MMP26: variants seen among roughly 807,000 people sequenced by gnomAD.
MMP26 encodes matrix metallopeptidase 26.
MMP26 carries 33 observed loss-of-function variants against 31.0 expected under a neutral mutation model. The ratio of observed to expected loss-of-function variants is 1.06; its 90% CI spans 0.81 to 1.42. The LOEUF (loss-of-function observed/expected upper bound fraction) is 1.42, where lower values mean the gene tolerates loss of function less well. MMP26 is among the 40% of genes most tolerant of loss of function. The pLI is 0.00. For synonymous variants in MMP26, 122 were observed against 114.9 expected (o/e 1.06, Z -0.40); for missense variants, 347 against 316.1 (o/e 1.10, Z -0.74).
Position 4,947,298 on chromosome 11 carries a change from T to C in MMP26, c.-144-40770T>C, listed in dbSNP as rs2133608106. 5 of 396,758 alleles carry C rather than the reference T, an allele frequency of 1.3e-5. 1 individual carries two copies. The South Asian group carries it at 2.2e-4, about 18-fold the overall frequency. The allele number at this position is 396,758 out of a possible 1,614,324, so 24.6% of individuals were successfully genotyped here. On this transcript the variant is annotated intron_variant, in intron 2 of 7. Coordinates refer to ENST00000380390, the MANE Select transcript of MMP26 (RefSeq NM_021801.5). ...TGCTGCTTTGGACTATAATCTGTCG[T>C]ATAATACATTGGAAAAATTATTTCT...
At chr11:4,987,886 G>A (rs1314835698) in intron 2 of MMP26, among the ~76,000 whole-genome samples, 182 bp from the exon 3 acceptor site, 1 of 152,078 alleles carries the variant, frequency 6.6e-6, no homozygotes. Flanking sequence ...CACACCTCCT[G>A]TTTCTTGTTT....
chr11:4,797,261 T>G (rs149340644), intron 2 of MMP26, among the ~76,000 whole-genome samples: 3 of 152,168 alleles, frequency 2.0e-5, no homozygotes, highest in African/African-American at 4.8e-5. Flanking sequence ...CCTGAAGAAA[T>G]GAAAGAATGA....
At position 4,959,182 on chromosome 11, in the gene MMP26, G is replaced by A. The variant is rs1290458822; in HGVS notation, c.-144-28886G>A. Among the ~76,000 whole-genome samples the A allele has an allele frequency of 1.8e-4, 26 of 145,584 alleles. 1 individual carries two copies. The Admixed American group carries it at 1.8e-3, about 10-fold the overall frequency. On this transcript the variant is annotated intron_variant, in intron 2 of 7. Coordinates refer to ENST00000380390, the MANE Select transcript of MMP26 (RefSeq NM_021801.5). ...GAATACGGGAGGCGGAGCTTGCAGT[G>A]AGCTGAGATCTCGCCACCGCACTCT...
At chr11:4,897,730 C>A (rs1002307166) in intron 2 of MMP26, among the ~76,000 whole-genome samples, 5 of 151,434 alleles carry the variant, frequency 3.3e-5, no homozygotes, top group Admixed American at 2.0e-4. Flanking sequence ...GATAGTCTAC[C>A]ATAAACAAAT....
At chr11:4,965,849 T>C (rs190983234) in intron 2 of MMP26, among the ~76,000 whole-genome samples, 4 of 152,352 alleles carry the variant, frequency 2.6e-5, no homozygotes, top group Admixed American at 2.6e-4. Flanking sequence ...CCTATACTTA[T>C]ATGCAAATTC....
rs1850661563 is a variant in MMP26 at position 4,893,768 on chromosome 11, T to C, written c.-144-94300T>C. Reference sequence around the variant, plus strand: ...TTAATATATTTTTGGTATAATGAGATCAATTCTGTATTTATAAAATGTATC... The same window carrying C: ...TTAATATATTTTTGGTATAATGAGACCAATTCTGTATTTATAAAATGTATC... On this transcript the variant is annotated intron_variant, in intron 2 of 7. Transcript: ENST00000380390. Among the ~76,000 whole-genome samples the C allele has an allele frequency of 1.3e-5, 2 of 152,226 alleles. 1 individual carries two copies. Among genetic ancestry groups the C allele is most frequent in the South Asian group, 4.2e-4 (2 of 4,818 alleles).
At chr11:4,794,675 T>C (rs1227651316) in intron 2 of MMP26, among the ~76,000 whole-genome samples, 6 of 152,142 alleles carry the variant, frequency 3.9e-5, no homozygotes, top group Non-Finnish European at 7.3e-5. Flanking sequence ...GTGGGCTATT[T>C]TGCAAGCTAG....
chr11:4,725,758 C>T (rs1848090649), intron 1 of MMP26, among the ~76,000 whole-genome samples: 1 of 152,140 alleles, frequency 6.6e-6, no homozygotes, highest in Non-Finnish European at 1.5e-5. Context: ...GACTGACTCC[C>T]TTTGAGAAAC....
chr11:4,821,558 T>C (rs768272908), intron 2 of MMP26: 1 of 1,613,014 alleles, frequency 6.2e-7, no homozygotes, highest in South Asian at 1.1e-5. Context: ...GGAAATAGCA[T>C]GATCCTGTTT....
At chr11:4,877,789 T>G (rs1000070909) in intron 2 of MMP26, 1 of 152,190 alleles carries the variant, frequency 6.6e-6, no homozygotes, top group South Asian at 2.1e-4. Context: ...GGTAGTGATA[T>G]GAAATTGCAT....
At chr11:4,964,410 T>C (rs912971279) in intron 2 of MMP26, among the ~76,000 whole-genome samples, 17 of 152,240 alleles carry the variant, frequency 1.1e-4, no homozygotes, top group Admixed American at 1.0e-3. Flanking sequence ...TTGTTGAAGA[T>C]CAGATGGTTG....
At chr11:4,911,184 A>G (rs1850986280) in intron 2 of MMP26, among the ~76,000 whole-genome samples, 1 of 152,174 alleles carries the variant, frequency 6.6e-6, no homozygotes, top group African/African-American at 2.4e-5. Flanking sequence ...AATTATTTAT[A>G]ATGGTCTTTG....
At chr11:4,707,526 G>T (rs942972432) in intron 1 of MMP26, among the ~76,000 whole-genome samples, 2 of 152,126 alleles carry the variant, frequency 1.3e-5, no homozygotes, top group Admixed American at 6.5e-5. Flanking sequence ...AAAATAAAGA[G>T]TGTATGACCT....
chr11:4,876,078 A>G (rs1268909356), intron 2 of MMP26: 1 of 152,190 alleles, frequency 6.6e-6, no homozygotes, highest in African/African-American at 2.4e-5. Context: ...ATTTAAGATC[A>G]CAACCAAGAT....
chr11:4,863,819 C>A (rs745483577), intron 2 of MMP26, among the ~76,000 whole-genome samples: 3 of 152,144 alleles, frequency 2.0e-5, no homozygotes, highest in Non-Finnish European at 4.4e-5. Flanking sequence ...CCTAATTTCC[C>A]TAAGGATTCT....
At chr11:4,848,688 A>G in intron 2 of MMP26, 1 of 1,614,086 alleles carries the variant, frequency 6.2e-7, no homozygotes, top group Non-Finnish European at 8.5e-7. Flanking sequence ...GCAGTAGGGC[A>G]TGTAGGCCAG....
intron 2 of MMP26, among the ~76,000 whole-genome samples, chr11:4,929,356 A>G (rs1312711308): frequency 6.6e-6 from 1 of 152,124 alleles, no homozygotes; most frequent in African/African-American, 2.4e-5. Flanking sequence ...TCAGAAAAAA[A>G]AGATAATGAA....
chr11:4,773,598 T>TG (rs1331960818), intron 2 of MMP26, among the ~76,000 whole-genome samples: 7 of 150,264 alleles, frequency 4.7e-5, no homozygotes, highest in African/African-American at 1.7e-4. Flanking sequence ...TTGTGGGGTT[T>TG]TTTTTTTTTT....
At chr11:4,713,447 C>A (rs1477151216) in intron 1 of MMP26, among the ~76,000 whole-genome samples, 1 of 152,092 alleles carries the variant, frequency 6.6e-6, no homozygotes, top group African/African-American at 2.4e-5. Context: ...TCCTGACAGA[C>A]CTGGTTCTGA....
Sources: gnomAD v4.1 joint callset for allele counts (sites outside exome capture counted in the v4.1 genomes callset) on GRCh38, gnomAD v4.1.1 for gene constraint, MANE v1.5 for transcripts, NCBI Gene and HGNC (gene_info 2026-07-23, HGNC 2026-07-21) for gene names.